The following DAPK1 variants were observed in gnomAD, a reference collection of about 807,000 sequenced individuals.
DAPK1 encodes the protein death associated protein kinase 1, also known as death-associated protein kinase 1.
A neutral mutation model predicts 144.9 loss-of-function variants in DAPK1; 56 were observed. The ratio of observed to expected loss-of-function variants is 0.39; its 90% CI spans 0.31 to 0.48. The LOEUF is 0.48. Among genes scored for constraint, DAPK1 ranks in the 20% least tolerant of loss-of-function variants. The pLI is 0.95. For synonymous variants in DAPK1, 690 were observed against 749.0 expected (o/e 0.92, Z 1.29); for missense variants, 1,454 against 1,875.4 (o/e 0.78, Z 4.15).
chr9:87,588,306 A>G (rs17053163), intron 2 of DAPK1, among the ~76,000 whole-genome samples: 15,545 of 152,214 alleles, frequency 0.1, 1,473 homozygotes, highest in African/African-American at 0.25. Flanking sequence ...TAAACCTATT[A>G]GGGATCCTTG....
At position 87,639,716 on chromosome 9, in the gene DAPK1, G is replaced by A. The variant is rs1246825407; in HGVS notation, c.602+18G>A. The A allele has an allele frequency of 3.1e-6, 5 of 1,613,386 alleles. No homozygotes were observed. Among genetic ancestry groups the A allele is most frequent in the South Asian group, 1.1e-5 (1 of 91,060 alleles). On this transcript the variant is annotated intron_variant, in intron 6 of 25. Transcript: ENST00000408954. ...GATATGTGGTAAGGAGTATGTCCTT[G>A]GTGTTGTTTGCTTTCTGATTTATTT...
At chr9:87,696,525 G>T (rs1825265560) in intron 21 of DAPK1, among the ~76,000 whole-genome samples, 1 of 152,172 alleles carries the variant, frequency 6.6e-6, no homozygotes, top group African/African-American at 2.4e-5. Flanking sequence ...GAAGTTCAAG[G>T]GGCGTGGCAC....
chr9:87,572,323 ATATAT>A (rs1262646675), intron 2 of DAPK1, among the ~76,000 whole-genome samples: 2 of 152,198 alleles, frequency 1.3e-5, no homozygotes, highest in East Asian at 1.9e-4. Flanking sequence ...TGGCTACTAA[ATATAT>A]TATATTCTCC....
At chr9:87,556,559 G>A (rs955359091) in intron 2 of DAPK1, among the ~76,000 whole-genome samples, 5 of 152,082 alleles carry the variant, frequency 3.3e-5, no homozygotes, top group African/African-American at 4.8e-5. Flanking sequence ...GGAGGAGTGC[G>A]GGGGATTGGC....
At position 87,650,070 on chromosome 9, in the gene DAPK1, C is replaced by T. The variant is rs376519149; in HGVS notation, c.1578C>T (p.Ile526=). The T allele has an allele frequency of 4.5e-5, 73 of 1,614,106 alleles. No homozygotes were observed. Among genetic ancestry groups the T allele is most frequent in the East Asian group, 2.9e-4 (13 of 44,846 alleles). The change falls in exon 16 of 26, where the codon ATC becomes ATT. Residue 526 remains isoleucine, a synonymous_variant. Coordinates refer to ENST00000408954, the MANE Select transcript of DAPK1 (RefSeq NM_004938.4). ...LTASARGYHD[I]VECLAEHGAD... ...CCTCTGCCAGGGGCTACCACGACATCGTGGAGTGTCTGGCCGAACATGGAG... is the reference window on the plus strand; with the variant it reads ...CCTCTGCCAGGGGCTACCACGACATTGTGGAGTGTCTGGCCGAACATGGAG...
At chr9:87,620,599 G>A (rs1465786010) in intron 3 of DAPK1, among the ~76,000 whole-genome samples, 1 of 151,570 alleles carries the variant, frequency 6.6e-6, no homozygotes, top group Non-Finnish European at 1.5e-5. Flanking sequence ...GAGGAGGAAG[G>A]GGAGGAGGAG....
intron 21 of DAPK1, among the ~76,000 whole-genome samples, chr9:87,696,710 A>G (rs1275951729): frequency 1.3e-5 from 2 of 151,888 alleles, no homozygotes; most frequent in Non-Finnish European, 1.5e-5. Flanking sequence ...GCAAGAACAC[A>G]CTCACTCACT....
At chr9:87,625,544 C>T (rs986343059) in intron 3 of DAPK1, among the ~76,000 whole-genome samples, 5 of 152,210 alleles carry the variant, frequency 3.3e-5, no homozygotes, top group East Asian at 1.9e-4. Context: ...CAGTATATAA[C>T]GCTGCCCTCG....
chr9:87,542,154 A>G (rs1826079607), intron 2 of DAPK1, among the ~76,000 whole-genome samples: 1 of 152,210 alleles, frequency 6.6e-6, no homozygotes, highest in Admixed American at 6.5e-5. Flanking sequence ...GGACTTCATA[A>G]TGATTTAGCT....
At chr9:87,662,568 T>TTTTG (rs1554700253) in intron 18 of DAPK1, among the ~76,000 whole-genome samples, 2 of 132,684 alleles carry the variant, frequency 1.5e-5, no homozygotes, top group Non-Finnish European at 3.2e-5. Flanking sequence ...TAGTTTTTTT[T>TTTTG]TTTTTTTTTT....
chr9:87,578,622 C>G (rs1399101459), intron 2 of DAPK1, among the ~76,000 whole-genome samples: 1 of 152,186 alleles, frequency 6.6e-6, no homozygotes, highest in Admixed American at 6.5e-5. Flanking sequence ...GTGCCTGTTT[C>G]CTTGTACTTT....
chr9:87,682,288 C>G (rs773145468), intron 20 of DAPK1, among the ~76,000 whole-genome samples: 2 of 152,272 alleles, frequency 1.3e-5, no homozygotes, highest in Non-Finnish European at 2.9e-5. Flanking sequence ...GGGGCTGTCA[C>G]GAAACACCTG....
intron 25 of DAPK1, among the ~76,000 whole-genome samples, chr9:87,704,576 G>A (rs545396164): frequency 8.5e-5 from 13 of 152,280 alleles, no homozygotes; most frequent in Admixed American, 2.6e-4. Context: ...CCCACACTAC[G>A]TTTAGCTGAC....
chr9:87,620,686 GGGA>G (rs373542999), intron 3 of DAPK1, among the ~76,000 whole-genome samples: 14 of 151,618 alleles, frequency 9.2e-5, no homozygotes, highest in African/African-American at 1.2e-4. Flanking sequence ...GAAGAGGACA[GGGA>G]GGAGGAGGAG....
At chr9:87,699,193 T>C (rs573373277) in intron 23 of DAPK1, among the ~76,000 whole-genome samples, 2 of 152,356 alleles carry the variant, frequency 1.3e-5, no homozygotes, top group African/African-American at 4.8e-5. Flanking sequence ...ATTAAAACAA[T>C]GAATCCACAT....
intron 21 of DAPK1, among the ~76,000 whole-genome samples, chr9:87,689,041 T>G (rs1170337636): frequency 6.6e-6 from 1 of 152,196 alleles, no homozygotes; most frequent in Non-Finnish European, 1.5e-5. Context: ...TTTCCTAGAT[T>G]TTCTTCTAGG....
chr9:87,545,999 C>T (rs1164548190), intron 2 of DAPK1, among the ~76,000 whole-genome samples: 1 of 152,072 alleles, frequency 6.6e-6, no homozygotes, highest in Non-Finnish European at 1.5e-5. Context: ...TTTGTTTTTG[C>T]AGTACAGATT....
In DAPK1 at chr9:87,706,103, A is replaced by T; in HGVS notation, c.3061-29A>T. 1 of 1,550,240 alleles carries T rather than the reference A, an allele frequency of 6.5e-7. No homozygotes were observed. The highest frequency in any genetic ancestry group is 1.2e-5 in the South Asian group (1 of 82,468). On this transcript the variant is annotated intron_variant, in intron 25 of 25. Coordinates refer to ENST00000408954, the MANE Select transcript of DAPK1 (RefSeq NM_004938.4). The surrounding 1 kb of genome is among the most constrained non-coding windows in gnomAD (Gnocchi z 9.0). ...TGCACCTGGCCAGGGCTCTGTCCCT[A>T]AGCGTGACTTTCTGTTGTCCCCCCG...
At position 87,517,354 on chromosome 9, in the gene DAPK1, C is replaced by T. The variant is rs1825102064; in HGVS notation, c.62+18215C>T. 2.0e-5 allele frequency among the ~76,000 whole-genome samples: 3 copies of T among 152,112 alleles called. No homozygotes were observed. The South Asian group carries it at 6.2e-4, about 32-fold the overall frequency. On this transcript the variant is annotated intron_variant, in intron 2 of 25. Coordinates refer to ENST00000408954, the MANE Select transcript of DAPK1 (RefSeq NM_004938.4). ...TTTCCCTCTGAAGGCATTCCTGAGA[C>T]TCAAGCAGTGTCCTCCTTTTGCAAA...
Sources: gnomAD v4.1 joint callset for allele counts (sites outside exome capture counted in the v4.1 genomes callset) on GRCh38, gnomAD v4.1.1 for gene constraint, Gnocchi (gnomAD v3.1) non-coding constraint, MANE v1.5 for transcripts, NCBI Gene and HGNC (gene_info 2026-07-23, HGNC 2026-07-21) for gene names.